The following ADGRL3 variants were observed in gnomAD, a reference collection of about 807,000 sequenced individuals.
The protein encoded by ADGRL3 is adhesion G protein-coupled receptor L3.
In ADGRL3, 62 loss-of-function variants were observed where a neutral mutation model predicts 153.5. The observed-to-expected ratio is 0.40, with a 90% CI of 0.33 to 0.50. The LOEUF (loss-of-function observed/expected upper bound fraction) is 0.50, where lower values mean the gene tolerates loss of function less well. Among genes scored for constraint, ADGRL3 ranks in the 20% least tolerant of loss-of-function variants. The pLI is 0.47. For synonymous variants in ADGRL3, 710 were observed against 672.5 expected (o/e 1.06, Z -0.86); for missense variants, 1,641 against 1,859.4 (o/e 0.88, Z 2.16).
At chr4:61,933,096 G>A (rs977970715) in intron 13 of ADGRL3, among the ~76,000 whole-genome samples, 3 of 151,714 alleles carry the variant, frequency 2.0e-5, no homozygotes, top group Non-Finnish European at 4.4e-5. Flanking sequence ...TAACTATTAA[G>A]ATTATCAGCA....
intron 3 of ADGRL3, among the ~76,000 whole-genome samples, chr4:61,513,271 A>G (rs1255780537): frequency 6.6e-6 from 1 of 152,202 alleles, no homozygotes; most frequent in Non-Finnish European, 1.5e-5. Context: ...AATTTTAAAA[A>G]AATTATAAAT....
chr4:61,421,100 C>A (rs567266918), intron 2 of ADGRL3, among the ~76,000 whole-genome samples: 1 of 151,990 alleles, frequency 6.6e-6, no homozygotes, highest in Non-Finnish European at 1.5e-5. Flanking sequence ...CACCTGAGGC[C>A]GAGGTGGGCG....
intron 5 of ADGRL3, among the ~76,000 whole-genome samples, chr4:61,664,070 C>A (rs556522106): frequency 9.7e-4 from 148 of 152,156 alleles, no homozygotes; most frequent in Non-Finnish European, 1.8e-3. Flanking sequence ...AGCTAGATTC[C>A]CCTCATGCCA....
chr4:61,530,349 T>C (rs77632121), intron 4 of ADGRL3, among the ~76,000 whole-genome samples: 1 of 151,780 alleles, frequency 6.6e-6, no homozygotes, highest in East Asian at 2.0e-4. Context: ...CCAATTTCTA[T>C]ATGGTCTTGC....
chr4:61,809,300 T>G lies in ADGRL3; in HGVS notation c.1400-4509T>G, dbSNP rs150341122. ...TTCCCAATTGCATAACTTCATGGTT[T>G]ATTGATATCTTCTTTTATCCATTGG... On this transcript the variant is annotated intron_variant, in intron 8 of 26. Coordinates refer to ENST00000683033, the MANE Select transcript of ADGRL3 (RefSeq NM_001387552.1). Among the ~76,000 whole-genome samples, 908 of 152,300 alleles carry G rather than the reference T, an allele frequency of 6.0e-3. 9 individuals are homozygous for G. The highest frequency in any genetic ancestry group is 0.02 in the African/African-American group (852 of 41,574).
At chr4:61,846,912 C>T (rs1056223015) in intron 9 of ADGRL3, among the ~76,000 whole-genome samples, 14 of 148,162 alleles carry the variant, frequency 9.4e-5, no homozygotes, top group South Asian at 2.1e-4. Flanking sequence ...ATCATCACAA[C>T]GACAGCACCA....
chr4:61,364,067 C>T (rs1450783949), intron 1 of ADGRL3, among the ~76,000 whole-genome samples: 3 of 151,750 alleles, frequency 2.0e-5, no homozygotes, highest in Admixed American at 6.6e-5. Flanking sequence ...ATAGGCTGGG[C>T]GCAGCTGTAA....
intron 2 of ADGRL3, among the ~76,000 whole-genome samples, chr4:61,477,209 C>T (rs1054556504): frequency 4.6e-5 from 7 of 152,036 alleles, no homozygotes; most frequent in African/African-American, 1.7e-4. Context: ...CCAGAAAAAT[C>T]GAATGAATTT....
chr4:62,061,395 C>T (rs1740085480), intron 25 of ADGRL3, among the ~76,000 whole-genome samples: 1 of 151,880 alleles, frequency 6.6e-6, no homozygotes, highest in South Asian at 2.1e-4. Context: ...TGCAATATCA[C>T]ACCAGAATAT....
chr4:61,248,969 CTG>C (rs1265728540), intron 1 of ADGRL3, among the ~76,000 whole-genome samples: 2 of 152,298 alleles, frequency 1.3e-5, no homozygotes, highest in African/African-American at 4.8e-5. Context: ...AGTCAACTAA[CTG>C]TAGCAATTTT....
intron 8 of ADGRL3, chr4:61,775,558 T>C: frequency 1.2e-6 from 1 of 832,146 alleles, no homozygotes; most frequent in Non-Finnish European, 2.1e-6. Flanking sequence ...AGGCTTCCCC[T>C]CTCTGTCAGT....
chr4:61,439,232 G>T (rs1250363599), intron 2 of ADGRL3, among the ~76,000 whole-genome samples: 1 of 152,120 alleles, frequency 6.6e-6, no homozygotes, highest in African/African-American at 2.4e-5. Context: ...TGTTCTCTGT[G>T]AATCTATCTG....
rs540276037 is a variant in ADGRL3 at position 61,369,625 on chromosome 4, G to A, written c.-239-13499G>A. Among the ~76,000 whole-genome samples the A allele has an allele frequency of 3.4e-3, 510 of 152,056 alleles. 3 individuals carry two copies. The highest frequency in any genetic ancestry group is 5.3e-3 in the Non-Finnish European group (358 of 67,972). On this transcript the variant is annotated intron_variant, in intron 1 of 26. Transcript: ENST00000683033. ...AGCTTTTTGATGTGCTGCTGGATTC[G>A]GTTTGCCAGTATTTTATTGAGGATT... is the stretch of plus-strand genomic sequence containing the variant.
At chr4:61,647,932 A>G (rs2094098163) in intron 5 of ADGRL3, among the ~76,000 whole-genome samples, 1 of 152,180 alleles carries the variant, frequency 6.6e-6, no homozygotes, top group African/African-American at 2.4e-5. Flanking sequence ...AAAGCAAAAT[A>G]ATCTTCAAGT....
chr4:61,665,443 A>G (rs116532875), intron 5 of ADGRL3, among the ~76,000 whole-genome samples: 2,066 of 152,178 alleles, frequency 0.014, 21 homozygotes, highest in South Asian at 0.023. Flanking sequence ...AAACAAAAAA[A>G]AACATGGTAG....
At chr4:61,860,985 A>G (rs2098334987) in intron 9 of ADGRL3, among the ~76,000 whole-genome samples, 1 of 152,132 alleles carries the variant, frequency 6.6e-6, no homozygotes, top group South Asian at 2.1e-4. Flanking sequence ...GCATTAAATC[A>G]CTCATCATTT....
At chr4:61,206,395 A>G (rs1292928040) in intron 1 of ADGRL3, among the ~76,000 whole-genome samples, 1 of 152,232 alleles carries the variant, frequency 6.6e-6, no homozygotes, top group Non-Finnish European at 1.5e-5. Context: ...AAAGCAAACA[A>G]TGCTGTTTTA....
intron 9 of ADGRL3, among the ~76,000 whole-genome samples, chr4:61,833,961 T>C (rs1050572988): frequency 2.0e-5 from 3 of 150,160 alleles, no homozygotes; most frequent in South Asian, 2.1e-4. Flanking sequence ...GCAGCTTCTT[T>C]TTTTTTTTTT....
chr4:61,840,509 GCC>G (rs2098013736), intron 9 of ADGRL3, among the ~76,000 whole-genome samples: 1 of 152,146 alleles, frequency 6.6e-6, no homozygotes, highest in African/African-American at 2.4e-5. Context: ...TTGAGTCTAA[GCC>G]TGAGAGCATC....
Sources: allele counts gnomAD v4.1 joint callset (sites outside exome capture counted in the v4.1 genomes callset), GRCh38; gene constraint gnomAD v4.1.1; transcripts MANE v1.5; gene names NCBI Gene and HGNC (gene_info 2026-07-23, HGNC 2026-07-21).